The following SPPL3 variants were observed in gnomAD, a reference collection of about 807,000 sequenced individuals.
SPPL3 encodes signal peptide peptidase-like 3.
SPPL3 carries 5 observed loss-of-function variants against 42.4 expected under a neutral mutation model. The ratio of observed to expected loss-of-function variants is 0.12; its 90% CI spans 0.06 to 0.25. SPPL3 has a LOEUF of 0.25. SPPL3 is among the 10% of genes least tolerant of loss of function. The probability of loss-of-function intolerance (pLI) is 1.00; values close to 1 mark genes in which losing one functional copy is unlikely to be tolerated. For synonymous variants in SPPL3, 195 were observed against 181.8 expected (o/e 1.07, Z -0.58); for missense variants, 235 against 489.0 (o/e 0.48, Z 4.90).
At chr12:120,817,102 C>A (rs763507710) in intron 1 of SPPL3, among the ~76,000 whole-genome samples, 8 of 150,338 alleles carry the variant, frequency 5.3e-5, no homozygotes, top group Admixed American at 2.7e-4. Context: ...CCAGCCTGGG[C>A]AACAAATGAG....
chr12:120,773,150 C>G (rs1187993171), intron 6 of SPPL3, among the ~76,000 whole-genome samples: 2 of 152,190 alleles, frequency 1.3e-5, no homozygotes, highest in African/African-American at 4.8e-5. Context: ...GTACCCAGAG[C>G]CCCTGCTCTG....
intron 1 of SPPL3, among the ~76,000 whole-genome samples, chr12:120,892,984 G>GGA (rs33922529): frequency 1.0e-3 from 132 of 126,098 alleles, no homozygotes; most frequent in Middle Eastern, 4.0e-3. Flanking sequence ...TCTGTCTCGG[G>GGA]AAAAAAAAAA....
At chr12:120,853,983 TACACACACACACACACAC>T (rs58246859) in intron 1 of SPPL3, among the ~76,000 whole-genome samples, 8 of 130,302 alleles carry the variant, frequency 6.1e-5, no homozygotes, top group East Asian at 2.3e-4. Context: ...CACGCACACA[TACACACACACACACACAC>T]ACACACACAC....
At chr12:120,790,439 A>C (rs1283488853) in intron 3 of SPPL3, among the ~76,000 whole-genome samples, 1 of 152,182 alleles carries the variant, frequency 6.6e-6, no homozygotes, top group Non-Finnish European at 1.5e-5. Context: ...TCCTCCAATC[A>C]ATATTTGATC....
chr12:120,767,752 G>A (rs1252672924), intron 8 of SPPL3, among the ~76,000 whole-genome samples, 159 bp from the exon 9 acceptor site: 5 of 152,204 alleles, frequency 3.3e-5, no homozygotes, highest in Non-Finnish European at 5.9e-5. Context: ...AGTGTAGAGA[G>A]AAAAAGCTGC....
chr12:120,899,963 G>A (rs913343325), intron 1 of SPPL3, among the ~76,000 whole-genome samples: 1 of 148,610 alleles, frequency 6.7e-6, no homozygotes, highest in African/African-American at 2.5e-5. Flanking sequence ...AGCAGAATTT[G>A]AGTTGAACCC....
chr12:120,876,751 C>T (rs928552036), intron 1 of SPPL3, among the ~76,000 whole-genome samples: 1 of 150,338 alleles, frequency 6.7e-6, no homozygotes, highest in African/African-American at 2.4e-5. Flanking sequence ...AATACCTATA[C>T]TGGAAAAAAA....
chr12:120,854,508 G>C (rs546845576), intron 1 of SPPL3, among the ~76,000 whole-genome samples: 2 of 152,126 alleles, frequency 1.3e-5, no homozygotes, highest in South Asian at 2.1e-4. Context: ...CCTTCCTTTT[G>C]CAACAGCTAC....
At chr12:120,827,614 C>G (rs1191433899) in intron 1 of SPPL3, among the ~76,000 whole-genome samples, 1 of 152,086 alleles carries the variant, frequency 6.6e-6, no homozygotes, top group Non-Finnish European at 1.5e-5. Context: ...GTTCTAGATC[C>G]AGAGGTCATG....
In SPPL3 at chr12:120,901,875, T is replaced by C. The variant is rs1417599964; in HGVS notation, c.23+1970A>G. ...AGAGAGAGGTCGTGTGTGTCCAACC[T>C]ACCTAGTAAAACATTTTCATTTTCC... On this transcript the variant is annotated intron_variant, in intron 1 of 10. Transcript: ENST00000353487. The C allele has an allele frequency of 3.0e-6, 3 of 985,018 alleles. No individual in the cohort carries two copies. The East Asian group carries it at 3.4e-4, about 112-fold the overall frequency. 61.0% of individuals were successfully genotyped at this position (985,018 alleles called of 1,614,324 possible). A position where few individuals can be genotyped will look rare whatever the true frequency, so the allele number is the denominator to read the frequency against.
chr12:120,809,504 T>C (rs1870611310), intron 2 of SPPL3, among the ~76,000 whole-genome samples: 2 of 152,258 alleles, frequency 1.3e-5, no homozygotes. Context: ...TAAAAATCTT[T>C]ACGCCTGGGT....
At chr12:120,874,603 T>C (rs1272645917) in intron 1 of SPPL3, among the ~76,000 whole-genome samples, 1 of 152,188 alleles carries the variant, frequency 6.6e-6, no homozygotes, top group African/African-American at 2.4e-5. Context: ...TGGTAGACTA[T>C]ATTTTCCAAA....
intron 1 of SPPL3, among the ~76,000 whole-genome samples, chr12:120,864,624 C>A (rs941302365): frequency 1.3e-5 from 2 of 152,260 alleles, no homozygotes; most frequent in Admixed American, 1.3e-4. Flanking sequence ...TCATTTTTTA[C>A]AAAATCTGCC....
intron 1 of SPPL3, among the ~76,000 whole-genome samples, chr12:120,824,196 G>A (rs990576885): frequency 6.6e-6 from 1 of 152,098 alleles, no homozygotes; most frequent in Non-Finnish European, 1.5e-5. Context: ...AGAATGGCAC[G>A]AAGAATTGTT....
intron 1 of SPPL3, among the ~76,000 whole-genome samples, chr12:120,848,488 G>C (rs1872117530): frequency 6.6e-6 from 1 of 152,124 alleles, no homozygotes; most frequent in Non-Finnish European, 1.5e-5. Context: ...TGAGAATAGT[G>C]GTATCATTAA....
At chr12:120,795,873 G>A (rs1324044866) in intron 2 of SPPL3, among the ~76,000 whole-genome samples, 2 of 152,046 alleles carry the variant, frequency 1.3e-5, no homozygotes, top group Non-Finnish European at 2.9e-5. Context: ...TCTCTCTAAT[G>A]TTCAATGATA....
At chr12:120,802,432 T>TATATATATA (rs67248082) in intron 2 of SPPL3, among the ~76,000 whole-genome samples, 4 of 85,506 alleles carry the variant, frequency 4.7e-5, no homozygotes, top group East Asian at 2.9e-4. Context: ...TATATATATA[T>TATATATATA]TTTTTTTTTT....
At chr12:120,799,126 T>A (rs950634384) in intron 2 of SPPL3, among the ~76,000 whole-genome samples, 1 of 152,144 alleles carries the variant, frequency 6.6e-6, no homozygotes, top group Admixed American at 6.5e-5. Context: ...TGGAAAAATC[T>A]CAAGTTCAAA....
intron 1 of SPPL3, among the ~76,000 whole-genome samples, chr12:120,835,068 T>C (rs1871565011): frequency 6.6e-6 from 1 of 152,210 alleles, no homozygotes; most frequent in East Asian, 1.9e-4. Flanking sequence ...GGTATTATAT[T>C]ACCTCTCTGC....
Sources: allele counts gnomAD v4.1 joint callset (sites outside exome capture counted in the v4.1 genomes callset), GRCh38; gene constraint gnomAD v4.1.1; transcripts MANE v1.5; gene names NCBI Gene and HGNC (gene_info 2026-07-23, HGNC 2026-07-21).